Variants in TIAM1 observed in about 807,000 individuals in gnomAD.
TIAM1 encodes the protein TIAM Rac1 associated GEF 1.
Under a neutral mutation model 163.5 loss-of-function variants are expected in TIAM1, and 65 were observed. The ratio of observed to expected loss-of-function variants is 0.40; its 90% CI spans 0.33 to 0.49. The LOEUF is 0.49. Ranked by LOEUF, TIAM1 falls within the 20% of genes least tolerant of loss-of-function variation. TIAM1 has a pLI of 0.77. For synonymous variants in TIAM1, 833 were observed against 810.1 expected (o/e 1.03, Z -0.48); for missense variants, 1,789 against 2,044.7 (o/e 0.87, Z 2.41).
rs370058905 is a variant in TIAM1 at position 31,146,998 on chromosome 21, C to A, written c.3372G>T (p.Val1124=). ...KLEKVDQFKK[V]LFSLGGSFLY... is the part of the protein sequence containing the mutation. ...GGAATGATCCCCCCAGAGAGAACAG[C>A]ACTTTCTGGATTTGACGAGAAAAGG... Residue 1124 remains valine, a synonymous_variant, in exon 20 of 28, where the codon GTG becomes GTT. Transcript: ENST00000541036. 4.3e-6 allele frequency: 7 copies of A among 1,612,758 alleles called. No homozygotes were observed. The highest frequency in any genetic ancestry group is 1.7e-5 in the Admixed American group (1 of 59,998).
In TIAM1 at chr21:31,223,535, G is replaced by C; in HGVS notation, c.1866C>G (p.Arg622=). 3 of 1,613,592 alleles carry C rather than the reference G, an allele frequency of 1.9e-6. No individual in the cohort carries two copies. Among genetic ancestry groups the C allele is most frequent in the South Asian group, 1.1e-5 (1 of 91,034 alleles). The change falls in exon 8 of 28, where the codon CGC becomes CGG. Residue 622 remains arginine (R), a synonymous_variant. Coordinates refer to ENST00000541036, the MANE Select transcript of TIAM1 (RefSeq NM_001353694.2). ...CACCCTGAAGGCTGGCTAAATAACA[G>C]CGGAAACGAAACAGGTCCATTTGGA... ...EQFQMDLFRF[R]CYLASLQGGE...
At chr21:31,435,690 T>G (rs577958672) in intron 2 of TIAM1, among the ~76,000 whole-genome samples, 2 of 152,338 alleles carry the variant, frequency 1.3e-5, no homozygotes, top group African/African-American at 4.8e-5. Flanking sequence ...ATGGTTTGAA[T>G]GTGTTCCCCA....
At chr21:31,514,542 G>C (rs1173774984) in intron 1 of TIAM1, among the ~76,000 whole-genome samples, 1 of 149,654 alleles carries the variant, frequency 6.7e-6, no homozygotes, top group Non-Finnish European at 1.5e-5. Context: ...AAAAAAAATA[G>C]CCAGGTGTGG....
chr21:31,166,800 C>A (rs2084241211), intron 15 of TIAM1, among the ~76,000 whole-genome samples: 1 of 152,194 alleles, frequency 6.6e-6, no homozygotes, highest in African/African-American at 2.4e-5. Context: ...AGGTACTGAT[C>A]CCTGATGTGG....
At chr21:31,340,571 C>T (rs1359523332) in intron 1 of TIAM1, among the ~76,000 whole-genome samples, 1 of 152,100 alleles carries the variant, frequency 6.6e-6, no homozygotes, top group Admixed American at 6.6e-5. Context: ...CACTATGTTG[C>T]CCAGGACAGC....
chr21:31,336,158 T>TTC lies in TIAM1; in HGVS notation c.-189+3084_-189+3085insGA, dbSNP rs146047687. ...GAAGACAGACGCCACTGGGGAGCGT[T>TTC]CGGCCGGCCATCAGCTAAGACTCAG... On this transcript the variant is annotated intron_variant, in intron 2 of 27. Transcript: ENST00000541036. Among the ~76,000 whole-genome samples, 704 of 152,254 alleles carry TTC rather than the reference T, an allele frequency of 4.6e-3. 3 individuals are homozygous for TTC. Among genetic ancestry groups the TTC allele is most frequent in the African/African-American group, 0.015 (628 of 41,542 alleles).
chr21:31,496,054 T>A (rs1304455981), intron 1 of TIAM1, among the ~76,000 whole-genome samples: 1 of 152,012 alleles, frequency 6.6e-6, no homozygotes, highest in Non-Finnish European at 1.5e-5. Context: ...TGGACAACAG[T>A]GATACTGCTG....
At chr21:31,467,579 T>C (rs1311356784) in intron 1 of TIAM1, among the ~76,000 whole-genome samples, 4 of 151,426 alleles carry the variant, frequency 2.6e-5, no homozygotes, top group African/African-American at 4.9e-5. Flanking sequence ...TGAGCCAAGA[T>C]TGGGCCACTG....
chr21:31,260,519 A>G (rs1266054862), intron 4 of TIAM1, among the ~76,000 whole-genome samples: 1 of 151,948 alleles, frequency 6.6e-6, no homozygotes, highest in Non-Finnish European at 1.5e-5. Context: ...TTAAGAGTAT[A>G]AAAAGGTCTA....
intron 15 of TIAM1, among the ~76,000 whole-genome samples, chr21:31,168,178 C>T (rs1263021542): frequency 4.6e-5 from 7 of 150,664 alleles, no homozygotes; most frequent in African/African-American, 1.5e-4. Context: ...CTGCAACCTC[C>T]GCCCCATGGG....
At chr21:31,235,754 C>A (rs929462773) in intron 6 of TIAM1, among the ~76,000 whole-genome samples, 6 of 152,182 alleles carry the variant, frequency 3.9e-5, no homozygotes, top group Admixed American at 1.3e-4. Flanking sequence ...CAGTTAGTAA[C>A]ATAATTTGCA....
chr21:31,529,912 G>A (rs1010356306), intron 1 of TIAM1, among the ~76,000 whole-genome samples: 1 of 152,188 alleles, frequency 6.6e-6, no homozygotes, highest in Non-Finnish European at 1.5e-5. Flanking sequence ...CTCCGCGGAA[G>A]TGTCATGGAC....
chr21:31,167,003 G>A (rs1010728149), intron 15 of TIAM1, among the ~76,000 whole-genome samples: 1 of 151,958 alleles, frequency 6.6e-6, no homozygotes, highest in African/African-American at 2.4e-5. Context: ...GCAGAGAAAT[G>A]CTGTAACCCT....
chr21:31,521,745 A>AC (rs2047595411), intron 1 of TIAM1, among the ~76,000 whole-genome samples: 1 of 146,862 alleles, frequency 6.8e-6, no homozygotes, highest in Non-Finnish European at 1.5e-5. Context: ...CTCACACACA[A>AC]ACACACACAC....
intron 1 of TIAM1, among the ~76,000 whole-genome samples, chr21:31,551,269 G>T (rs559729438): frequency 2.0e-5 from 3 of 151,780 alleles, no homozygotes; most frequent in East Asian, 1.9e-4. Flanking sequence ...ACGGCTGGAC[G>T]TGGTGGCTCA....
intron 4 of TIAM1, among the ~76,000 whole-genome samples, chr21:31,264,865 G>A (rs1374971790): frequency 1.3e-5 from 2 of 152,092 alleles, no homozygotes; most frequent in Non-Finnish European, 2.9e-5. Flanking sequence ...AAGGCAAACG[G>A]ACCCAGTCTG....
intron 9 of TIAM1, among the ~76,000 whole-genome samples, chr21:31,215,521 A>G (rs1427468553): frequency 7.0e-6 from 1 of 143,674 alleles, no homozygotes; most frequent in Non-Finnish European, 1.5e-5. Context: ...AGATCGCGCC[A>G]TTGCACTCCA....
intron 7 of TIAM1, among the ~76,000 whole-genome samples, chr21:31,224,450 A>T (rs2087814843): frequency 6.6e-6 from 1 of 152,232 alleles, no homozygotes; most frequent in Non-Finnish European, 1.5e-5. Context: ...ATCCACCTCC[A>T]AAACATGAAG....
rs140995089 is a variant in TIAM1, at chr21:31,515,430, G to A, written c.-422+43497C>T. 7.3e-3 allele frequency among the ~76,000 whole-genome samples: 1,104 copies of A among 152,208 alleles called. 8 individuals are homozygous for A. The highest frequency in any genetic ancestry group is 0.031 in the Middle Eastern group (9 of 294). ...CAACCTGTGCTTTCACAAGCCCTCC[G>A]GGGGTGTTGATGCCCACTCAAGCTT... On this transcript the variant is annotated intron_variant, in intron 1 of 28. Transcript: ENST00000286827.
Sources: gnomAD v4.1 joint callset for allele counts (sites outside exome capture counted in the v4.1 genomes callset) on GRCh38, gnomAD v4.1.1 for gene constraint, MANE v1.5 for transcripts, NCBI Gene and HGNC (gene_info 2026-07-23, HGNC 2026-07-21) for gene names.